The following TCF4 variants were observed in gnomAD, a reference collection of about 807,000 sequenced individuals.
The protein encoded by TCF4 is SL3-3 enhancer factor 2.
In TCF4, 3 loss-of-function variants were observed where a neutral mutation model predicts 82.1. The ratio of observed to expected loss-of-function variants is 0.04; its 90% CI spans 0.02 to 0.09. The LOEUF (loss-of-function observed/expected upper bound fraction) is 0.09, where lower values mean the gene tolerates loss of function less well. Among genes scored for constraint, TCF4 ranks in the 10% least tolerant of loss-of-function variants. The probability of loss-of-function intolerance (pLI) is 1.00; values close to 1 mark genes in which losing one functional copy is unlikely to be tolerated. For missense variants in TCF4, 518 were observed against 852.7 expected (o/e 0.61, Z 4.89); for synonymous variants, 276 against 309.6 (o/e 0.89, Z 1.14).
At chr18:55,485,078 A>G (rs181457359) in intron 3 of TCF4, among the ~76,000 whole-genome samples, 1 of 152,258 alleles carries the variant, frequency 6.6e-6, no homozygotes, top group East Asian at 1.9e-4. Flanking sequence ...TCCCTACTCC[A>G]AGGAAAGAGA....
chr18:55,373,532 G>A (rs769899071), intron 6 of TCF4, among the ~76,000 whole-genome samples: 112 of 152,188 alleles, frequency 7.4e-4, no homozygotes, highest in Non-Finnish European at 1.4e-3. Context: ...GGGAAAATAG[G>A]CCGGGTGCAG....
At chr18:55,472,563 T>C (rs911217191) in intron 3 of TCF4, among the ~76,000 whole-genome samples, 8 of 152,188 alleles carry the variant, frequency 5.3e-5, no homozygotes, top group Non-Finnish European at 8.8e-5. Flanking sequence ...ATAAGAGCCA[T>C]GAATAACTCA....
chr18:55,387,067 T>C (rs1231165468), intron 6 of TCF4, among the ~76,000 whole-genome samples: 1 of 151,986 alleles, frequency 6.6e-6, no homozygotes, highest in African/African-American at 2.4e-5. Context: ...GGCTATAGAG[T>C]ATTAGGACTG....
At chr18:55,537,628 G>C (rs1238099825) in intron 3 of TCF4, among the ~76,000 whole-genome samples, 1 of 152,114 alleles carries the variant, frequency 6.6e-6, no homozygotes, top group African/African-American at 2.4e-5. Context: ...CACTGCTAAA[G>C]ACTGCCATTC....
chr18:55,505,575 C>T (rs900603342), intron 3 of TCF4, among the ~76,000 whole-genome samples: 5 of 151,742 alleles, frequency 3.3e-5, no homozygotes, highest in African/African-American at 1.2e-4. Context: ...AAGGCCGAGG[C>T]GGGCGGATCA....
upstream of TCF4, chr18:55,588,500 C>G: frequency 2.0e-6 from 3 of 1,535,318 alleles, no homozygotes; most frequent in Non-Finnish European, 1.7e-6. Context: ...CAGTTACAAT[C>G]TGAAGCCTGA....
intron 2 of TCF4, among the ~76,000 whole-genome samples, chr18:55,614,209 A>G (rs2097709775): frequency 6.6e-6 from 1 of 152,210 alleles, no homozygotes; most frequent in South Asian, 2.1e-4. Context: ...ACTATTACGA[A>G]TAAAGCTGCT....
At chr18:55,429,990 T>G (rs1388056333) in intron 5 of TCF4, among the ~76,000 whole-genome samples, 1 of 152,076 alleles carries the variant, frequency 6.6e-6, no homozygotes, top group East Asian at 1.9e-4. Flanking sequence ...TTCCTCTTTT[T>G]GCATATGGAC....
intron 6 of TCF4, among the ~76,000 whole-genome samples, chr18:55,365,078 G>A (rs767284491): frequency 2.7e-5 from 4 of 148,576 alleles, no homozygotes; most frequent in Non-Finnish European, 5.9e-5. Flanking sequence ...GCTTGAACTC[G>A]GGAGGTGGAG....
chr18:55,521,355 G>A (rs890450801), intron 3 of TCF4, among the ~76,000 whole-genome samples: 1 of 152,104 alleles, frequency 6.6e-6, no homozygotes, highest in Non-Finnish European at 1.5e-5. Flanking sequence ...TTCTAATAAA[G>A]AATAACACTT....
chr18:55,425,246 G>A (rs2094928931), intron 5 of TCF4, among the ~76,000 whole-genome samples: 1 of 152,268 alleles, frequency 6.6e-6, no homozygotes, highest in South Asian at 2.1e-4. Flanking sequence ...CACAACACTA[G>A]GCAGATTGGA....
intron 5 of TCF4, among the ~76,000 whole-genome samples, chr18:55,426,172 T>G (rs1013285071): frequency 6.6e-6 from 1 of 151,526 alleles, no homozygotes; most frequent in Non-Finnish European, 1.5e-5. Context: ...GTAGGCTACC[T>G]AAAAACCCTT....
chr18:55,228,119 A>T, intron 19 of TCF4, 89 bp from the exon 20 acceptor site: 1 of 1,466,264 alleles, frequency 6.8e-7, no homozygotes, highest in Non-Finnish European at 9.4e-7. Flanking sequence ...TTTTTCCATG[A>T]AAGAAAATAT....
chr18:55,249,921 T>C (rs528013925), intron 15 of TCF4, among the ~76,000 whole-genome samples: 2 of 152,316 alleles, frequency 1.3e-5, no homozygotes, highest in Admixed American at 6.5e-5. Context: ...CATCTGTGGA[T>C]GTGAATACTG....
At chr18:55,466,419 C>T (rs1332814132) in intron 3 of TCF4, among the ~76,000 whole-genome samples, 1 of 151,994 alleles carries the variant, frequency 6.6e-6, no homozygotes, top group Non-Finnish European at 1.5e-5. Flanking sequence ...ATCCCTTGAG[C>T]CCAGGAGTTC....
chr18:55,530,250 T>C (rs2097044643), intron 3 of TCF4, among the ~76,000 whole-genome samples: 2 of 152,318 alleles, frequency 1.3e-5, no homozygotes, highest in South Asian at 4.1e-4. Context: ...CTATTCTGAA[T>C]CAAAACTATG....
intron 8 of TCF4, among the ~76,000 whole-genome samples, chr18:55,315,387 C>G (rs2073869054): frequency 6.6e-6 from 1 of 152,108 alleles, no homozygotes; most frequent in East Asian, 1.9e-4. Flanking sequence ...ACTAGGTAAA[C>G]AGAAGCAACA....
chr18:55,308,538 G>C (rs972460089), intron 8 of TCF4, among the ~76,000 whole-genome samples: 1 of 152,194 alleles, frequency 6.6e-6, no homozygotes, highest in Non-Finnish European at 1.5e-5. Context: ...TGGTGGATGT[G>C]ACACATTCAT....
At position 55,287,173 on chromosome 18, in the gene TCF4, C is replaced by A. The variant is rs115751645; in HGVS notation, c.550-7517G>T. 4.0e-3 allele frequency among the ~76,000 whole-genome samples: 606 copies of A among 152,186 alleles called. 4 individuals carry two copies. Among genetic ancestry groups the A allele is most frequent in the African/African-American group, 0.014 (581 of 41,526 alleles). Reference sequence around the variant, plus strand: ...CATTTTTACTAACTGAGCAATGACCCATCTTCCGTCTACCAGAATGCACCA... The same window carrying A: ...CATTTTTACTAACTGAGCAATGACCAATCTTCCGTCTACCAGAATGCACCA... On this transcript the variant is annotated intron_variant, in intron 8 of 19. Transcript: ENST00000354452.
Sources: allele counts gnomAD v4.1 joint callset (sites outside exome capture counted in the v4.1 genomes callset), GRCh38; gene constraint gnomAD v4.1.1; transcripts MANE v1.5; gene names NCBI Gene and HGNC (gene_info 2026-07-23, HGNC 2026-07-21).